TMEM178B: variants seen among roughly 807,000 people sequenced by gnomAD.
The protein encoded by TMEM178B is transmembrane protein 178B.
Under a neutral mutation model 31.0 loss-of-function variants are expected in TMEM178B, and 5 were observed. That is an observed-to-expected ratio of 0.16 (90% CI 0.08 to 0.34). TMEM178B has a LOEUF of 0.34. TMEM178B is among the 10% of genes least tolerant of loss of function. The pLI is 1.00. For missense variants in TMEM178B, 275 were observed against 400.3 expected (o/e 0.69, Z 2.67); for synonymous variants, 164 against 164.0 (o/e 1.00, Z 0.00).
chr7:141,263,084 C>T (rs561493631), intron 2 of TMEM178B, among the ~76,000 whole-genome samples: 5 of 152,228 alleles, frequency 3.3e-5, no homozygotes, highest in South Asian at 2.1e-4. Flanking sequence ...GTTATCTGGA[C>T]ACTAAACCAC....
intron 2 of TMEM178B, among the ~76,000 whole-genome samples, chr7:141,370,965 G>C (rs1421320844): frequency 6.6e-6 from 1 of 152,196 alleles, no homozygotes; most frequent in Non-Finnish European, 1.5e-5. Context: ...GATGAATGTA[G>C]AAAACCAGAA....
At chr7:141,315,462 T>A (rs1798985242) in intron 2 of TMEM178B, among the ~76,000 whole-genome samples, 1 of 152,336 alleles carries the variant, frequency 6.6e-6, no homozygotes, top group East Asian at 1.9e-4. Context: ...TTTCCTTGTC[T>A]AGAATGCCCT....
At chr7:141,360,031 T>TC (rs747104852) in intron 2 of TMEM178B, among the ~76,000 whole-genome samples, 2 of 152,126 alleles carry the variant, frequency 1.3e-5, no homozygotes, top group Non-Finnish European at 2.9e-5. Flanking sequence ...CCCACCGGGT[T>TC]CCTCCCACAA....
intron 2 of TMEM178B, among the ~76,000 whole-genome samples, chr7:141,421,311 A>G (rs1563178109): frequency 6.6e-6 from 1 of 152,232 alleles, no homozygotes; most frequent in Non-Finnish European, 1.5e-5. Context: ...TCCACTTTGT[A>G]AAGACTGGTA....
At position 141,328,837 on chromosome 7, in the gene TMEM178B, A is replaced by G. The variant is rs577101465; in HGVS notation, c.497-108771A>G. 1.8e-4 allele frequency among the ~76,000 whole-genome samples: 27 copies of G among 152,334 alleles called. No individual in the cohort carries two copies. In the South Asian group the frequency reaches 5.4e-3, roughly 30 times the overall value. Reference sequence around the variant, plus strand: ...GCAAAGGGCTTTGAAAACAGCTAGTATAAGATCAGCTATACTTCCAGCTCC... The same window carrying G: ...GCAAAGGGCTTTGAAAACAGCTAGTGTAAGATCAGCTATACTTCCAGCTCC... On this transcript the variant is annotated intron_variant, in intron 2 of 3. Coordinates refer to ENST00000565468, the MANE Select transcript of TMEM178B (RefSeq NM_001195278.2).
chr7:141,423,352 A>G (rs774788750), intron 2 of TMEM178B, among the ~76,000 whole-genome samples: 81 of 152,160 alleles, frequency 5.3e-4, no homozygotes, highest in Admixed American at 1.3e-3. Flanking sequence ...ATTTAATCCA[A>G]TATATCTAGA....
chr7:141,485,193 A>C (rs1025520283), downstream of TMEM178B, among the ~76,000 whole-genome samples: 1 of 152,224 alleles, frequency 6.6e-6, no homozygotes, highest in Non-Finnish European at 1.5e-5. Flanking sequence ...AGCCCGGACC[A>C]TGTGACCAAG....
At chr7:141,356,642 G>A (rs546214514) in intron 2 of TMEM178B, among the ~76,000 whole-genome samples, 1 of 150,654 alleles carries the variant, frequency 6.6e-6, no homozygotes, top group African/African-American at 2.4e-5. Context: ...CCATAGTTGC[G>A]GGGTTGGGCG....
intron 2 of TMEM178B, among the ~76,000 whole-genome samples, chr7:141,286,685 G>A (rs1798453608): frequency 6.6e-6 from 1 of 152,168 alleles, no homozygotes; most frequent in Non-Finnish European, 1.5e-5. Context: ...CAGTGCCCTG[G>A]ACAGACTGCA....
the TMEM178B span, among the ~76,000 whole-genome samples, chr7:141,496,245 A>T: frequency 6.6e-6 from 1 of 151,880 alleles, no homozygotes; most frequent in African/African-American, 2.4e-5. Flanking sequence ...TTTCCCAGGG[A>T]TTTCTCCTGG....
chr7:141,108,425 C>T (rs1460494491), intron 1 of TMEM178B, among the ~76,000 whole-genome samples: 1 of 152,138 alleles, frequency 6.6e-6, no homozygotes, highest in Non-Finnish European at 1.5e-5. Flanking sequence ...GGCAATCCAT[C>T]TATAGTAGCA....
chr7:141,191,924 A>C (rs544315720), intron 1 of TMEM178B, among the ~76,000 whole-genome samples: 27 of 152,302 alleles, frequency 1.8e-4, no homozygotes, highest in African/African-American at 5.5e-4. Context: ...AAAAGGTTTT[A>C]ATCCTGTTTT....
chr7:141,185,602 G>A (rs577166876), intron 1 of TMEM178B, among the ~76,000 whole-genome samples: 23 of 152,176 alleles, frequency 1.5e-4, no homozygotes, highest in Middle Eastern at 3.4e-3. Flanking sequence ...GTCTTCTTCC[G>A]CAGATACGTT....
At chr7:141,266,566 T>G (rs1257301700) in intron 2 of TMEM178B, among the ~76,000 whole-genome samples, 1 of 152,244 alleles carries the variant, frequency 6.6e-6, no homozygotes, top group East Asian at 1.9e-4. Context: ...TCCTGCAGGC[T>G]TTTGGCTTAA....
intron 1 of TMEM178B, among the ~76,000 whole-genome samples, chr7:141,099,417 T>A (rs1419776197): frequency 6.6e-6 from 1 of 152,232 alleles, no homozygotes; most frequent in Non-Finnish European, 1.5e-5. Context: ...TTTGAAAACT[T>A]TCTTACATGT....
At chr7:141,254,326 C>T (rs1332900673) in intron 2 of TMEM178B, among the ~76,000 whole-genome samples, 1 of 152,116 alleles carries the variant, frequency 6.6e-6, no homozygotes, top group Non-Finnish European at 1.5e-5. Flanking sequence ...CTGAGATGAC[C>T]CCAGCTGCTT....
chr7:141,162,738 G>A (rs1486071080), intron 1 of TMEM178B, among the ~76,000 whole-genome samples: 1 of 152,200 alleles, frequency 6.6e-6, no homozygotes, highest in Non-Finnish European at 1.5e-5. Context: ...ATTTCAAGAG[G>A]TGGTATTGTG....
intron 2 of TMEM178B, among the ~76,000 whole-genome samples, chr7:141,229,476 A>G (rs1409033775): frequency 1.3e-5 from 2 of 152,016 alleles, no homozygotes; most frequent in African/African-American, 4.8e-5. Context: ...CATTACATTA[A>G]TGGTTTCCCT....
chr7:141,079,374 A>G (rs762119531), intron 1 of TMEM178B, among the ~76,000 whole-genome samples: 1 of 152,236 alleles, frequency 6.6e-6, no homozygotes, highest in Non-Finnish European at 1.5e-5. Context: ...TGGCTATTGT[A>G]TGGGACAGTG....
Sources: allele counts gnomAD v4.1 joint callset (sites outside exome capture counted in the v4.1 genomes callset), GRCh38; gene constraint gnomAD v4.1.1; transcripts MANE v1.5; gene names NCBI Gene and HGNC (gene_info 2026-07-23, HGNC 2026-07-21).